PPP2R5B: variants seen among roughly 807,000 people sequenced by gnomAD.
PPP2R5B encodes protein phosphatase 2 regulatory subunit B'beta.
In PPP2R5B, 19 loss-of-function variants were observed where a neutral mutation model predicts 59.9. The observed-to-expected ratio is 0.32, with a 90% confidence interval of 0.22 to 0.47. The LOEUF (loss-of-function observed/expected upper bound fraction) is 0.47, where lower values mean the gene tolerates loss of function less well. Ranked by LOEUF, PPP2R5B falls within the 20% of genes least tolerant of loss-of-function variation. The pLI is 1.00. For synonymous variants in PPP2R5B, 286 were observed against 260.5 expected (o/e 1.10, Z -0.94); for missense variants, 441 against 640.2 (o/e 0.69, Z 3.36).
At chr11:64,928,849 AGT>A (rs1945198794) in intron 6 of PPP2R5B, among the ~76,000 whole-genome samples, 1 of 152,332 alleles carries the variant, frequency 6.6e-6, no homozygotes, top group African/African-American at 2.4e-5. Flanking sequence ...GCGCCACTGC[AGT>A]CCGCAGTCCG....
At chr11:64,920,139 A>C (rs1945096855), upstream of PPP2R5B, among the ~76,000 whole-genome samples, 1 of 152,158 alleles carries the variant, frequency 6.6e-6, no homozygotes. Flanking sequence ...AGAAAAAAGA[A>C]AAAACACCAC....
Position 64,931,048 on chromosome 11 carries a change from A to C in PPP2R5B, c.892-388A>C, listed in dbSNP as rs1945222755. 6.6e-6 allele frequency among the ~76,000 whole-genome samples: 1 copy of C among 152,074 alleles called. No individual in the cohort carries two copies. Among genetic ancestry groups the C allele is most frequent in the Non-Finnish European group, 1.5e-5 (1 of 68,014 alleles). On this transcript the variant is annotated intron_variant, in intron 8 of 13. Transcript: ENST00000164133. The surrounding 1 kb of genome is among the most constrained non-coding windows in gnomAD (Gnocchi z 5.0). The stretch of plus-strand genomic sequence containing the variant: ...GTGCCACATGCCTGGCTAATTAAAA[A>C]AAATTTTTTTTTTGTAGAGACAGTG...
chr11:64,930,414 G>A (rs755434594), intron 7 of PPP2R5B, 33 bp downstream of exon 7: 3 of 1,613,816 alleles, frequency 1.9e-6, no homozygotes, highest in East Asian at 2.2e-5. Flanking sequence ...TGGAGCTCAG[G>A]ATTCTGGAAG....
chr11:64,928,081 T>C lies in PPP2R5B; in HGVS notation c.514T>C (p.Phe172Leu), dbSNP rs1945187847. ...WPHLQLVYEF[F>L]LRFLESPDFQ... ...CCTCCCCCAGCTGGTATATGAGTTT[T>C]TCCTGCGTTTCTTGGAGAGCCCAGA... The change falls in exon 5 of 14, where the codon TTC becomes CTC. Residue 172 changes from phenylalanine (F) to leucine (L), a missense_variant. Physicochemically the swap from Phe to Leu is conservative, Grantham distance 22. Coordinates refer to ENST00000164133, the MANE Select transcript of PPP2R5B (RefSeq NM_006244.4). 6.2e-7 allele frequency: 1 copy of C among 1,614,110 alleles called. No homozygotes were observed. Among genetic ancestry groups the C allele is most frequent in the Non-Finnish European group, 8.5e-7 (1 of 1,180,046 alleles).
Position 64,925,560 on chromosome 11 carries a change from C to T in PPP2R5B, c.-175C>T. On this transcript the variant is annotated 5_prime_UTR_variant, in exon 2 of 14. Coordinates refer to ENST00000164133, the MANE Select transcript of PPP2R5B (RefSeq NM_006244.4). The surrounding 1 kb of genome is among the most constrained non-coding windows in gnomAD (Gnocchi z 4.6). ...TCCTCCTTTCTACCCTGTCTGCCCC[C>T]CAGGACTGGGCAGTTGCAGGAGGCC... is the stretch of plus-strand genomic sequence containing the variant. 1.7e-6 allele frequency: 1 copy of T among 586,138 alleles called. No individual in the cohort carries two copies. 36.3% of individuals were successfully genotyped at this position (586,138 alleles called of 1,614,324 possible).
At chr11:64,928,972 A>AAAAAG (rs1945200592) in intron 6 of PPP2R5B, among the ~76,000 whole-genome samples, 3 of 152,120 alleles carry the variant, frequency 2.0e-5, no homozygotes, top group Admixed American at 2.0e-4. Flanking sequence ...TCTCAAAAAA[A>AAAAAG]AAAAGAAAAG....
rs762962813 is a variant in PPP2R5B at position 64,930,314 on chromosome 11, T to C, written c.723-8T>C. 4 of 1,613,970 alleles carry C rather than the reference T, an allele frequency of 2.5e-6. No homozygotes were observed. The highest frequency in any genetic ancestry group is 4.5e-5 in the East Asian group (2 of 44,882). ...TGCTTTGAGCCCACCTGCGTTCTTC[T>C]CTTGCAGGTTCATCTATGAATTCGA... is the stretch of plus-strand genomic sequence containing the variant. On this transcript the variant is annotated splice_polypyrimidine_tract_variant and splice_region_variant and intron_variant, in intron 6 of 13. Transcript: ENST00000164133.
At chr11:64,926,435 G>T (rs1945164740) in intron 2 of PPP2R5B, among the ~76,000 whole-genome samples, 1 of 152,270 alleles carries the variant, frequency 6.6e-6, no homozygotes. Flanking sequence ...GGCACCTGTG[G>T]AAAGCTGCTG....
intron 6 of PPP2R5B, among the ~76,000 whole-genome samples, chr11:64,929,705 G>A (rs188417327): frequency 5.9e-5 from 9 of 152,282 alleles, no homozygotes; most frequent in East Asian, 1.9e-4. Context: ...CTGCCTGGGC[G>A]ACAGAGCGAG....
chr11:64,928,255 CCCCTGACCCTGA>C lies in PPP2R5B; in HGVS notation c.592-26_592-15del, dbSNP rs768749217. On this transcript the variant is annotated intron_variant, in intron 5 of 13. Transcript: ENST00000164133. ...TGGAAGCAACCTGGGGTGGACCTTTCCCCTGACCCTGACCCTGACCCTGACTCTGGTTCCCAC... is the reference window on the plus strand; with the variant it reads ...TGGAAGCAACCTGGGGTGGACCTTTCCCCTGACCCTGACTCTGGTTCCCAC... The C allele has an allele frequency of 1.9e-5, 31 of 1,611,864 alleles. No individual in the cohort carries two copies. The South Asian group carries it at 2.2e-4, about 11-fold the overall frequency.
At position 64,925,861 on chromosome 11, in the gene PPP2R5B, C is replaced by A. The variant is rs139878967; in HGVS notation, c.127C>A (p.Arg43Ser). ...TTCCCTCCGCAGAGCCCGGCCCCGC[C>A]GCTCCCACAGCTCCTCTCAGTTCCG... ...RRSLRRARPRRSHSSSQFRYQ... is the reference protein window; with the variant it reads ...RRSLRRARPRSSHSSSQFRYQ... Residue 43 changes from arginine to serine, a missense_variant, in exon 2 of 14, where the codon CGC becomes AGC. Arg to Ser is a moderately radical substitution (Grantham distance 110, BLOSUM62 -1). Transcript: ENST00000164133. This position sits in a 1 kb window ranked among gnomAD's most constrained non-coding sequence, Gnocchi z 4.6. 6.2e-7 allele frequency: 1 copy of A among 1,611,824 alleles called. No homozygotes were observed. Among genetic ancestry groups the A allele is most frequent in the Non-Finnish European group, 8.5e-7 (1 of 1,179,842 alleles).
upstream of PPP2R5B, among the ~76,000 whole-genome samples, chr11:64,922,796 AC>A (rs1305677490): frequency 6.7e-6 from 1 of 149,314 alleles, no homozygotes; most frequent in Non-Finnish European, 1.5e-5. Context: ...AATGGTGTGA[AC>A]CCAGGAGGCG....
intron 5 of PPP2R5B, 58 bp downstream of exon 5, chr11:64,928,216 G>T: frequency 6.2e-7 from 1 of 1,613,306 alleles, no homozygotes; most frequent in Non-Finnish European, 8.5e-7. Context: ...CTCTCTGAGG[G>T]GCCAGGGATA....
At chr11:64,927,037 T>C (rs1590677016) in intron 3 of PPP2R5B, 129 bp downstream of exon 3, 5 of 1,069,054 alleles carry the variant, frequency 4.7e-6, no homozygotes, top group Non-Finnish European at 6.7e-6. Context: ...ACGTCTTCCT[T>C]CCCCCCGACC....
chr11:64,920,955 A>ATATATATATATG (rs1945105327), upstream of PPP2R5B, among the ~76,000 whole-genome samples: 2 of 144,948 alleles, frequency 1.4e-5, no homozygotes, highest in South Asian at 4.4e-4. Context: ...ATATATATAT[A>ATATATATATATG]TATATGTAAT....
intron 5 of PPP2R5B, 36 bp from the exon 6 acceptor site, chr11:64,928,247 GGACCTTTCCCCT>G: frequency 6.2e-7 from 1 of 1,612,142 alleles, no homozygotes; most frequent in Non-Finnish European, 8.5e-7. Context: ...AACCTGGGGT[GGACCTTTCCCCT>G]GACCCTGACC....
intron 11 of PPP2R5B, 80 bp from the exon 12 acceptor site, chr11:64,932,685 G>C: frequency 6.5e-7 from 1 of 1,546,934 alleles, no homozygotes. Context: ...CCTGGGCGTT[G>C]AGGTAGTGAT....
At position 64,931,638 on chromosome 11, in the gene PPP2R5B, G is replaced by C; in HGVS notation, c.996+29G>C. The C allele has an allele frequency of 6.2e-7, 1 of 1,613,690 alleles. No homozygotes were observed. The highest frequency in any genetic ancestry group is 8.5e-7 in the Non-Finnish European group (1 of 1,179,936). ...TGAAGAAGGGCTTTGATGCCCGCCA[G>C]AGGGAGGCTGGGAGGGCTCGGCCTC... is the stretch of plus-strand genomic sequence containing the variant. On this transcript the variant is annotated intron_variant, in intron 10 of 13. Coordinates refer to ENST00000164133, the MANE Select transcript of PPP2R5B (RefSeq NM_006244.4). The surrounding 1 kb of genome is among the most constrained non-coding windows in gnomAD (Gnocchi z 5.0).
In PPP2R5B at chr11:64,931,899, A is replaced by C; in HGVS notation, c.1116+31A>C. 6.2e-7 allele frequency: 1 copy of C among 1,607,582 alleles called. No individual in the cohort carries two copies. The stretch of plus-strand genomic sequence containing the variant: ...AGGCAGGACAGGCGGGGATGGGAGC[A>C]GGGCTGGCCTGGAAAGGTTGGGTAG... On this transcript the variant is annotated intron_variant, in intron 11 of 13. Transcript: ENST00000164133. The surrounding 1 kb of genome is among the most constrained non-coding windows in gnomAD (Gnocchi z 5.0).
Sources: gnomAD v4.1 joint callset for allele counts (sites outside exome capture counted in the v4.1 genomes callset) on GRCh38, gnomAD v4.1.1 for gene constraint, Gnocchi (gnomAD v3.1) non-coding constraint, MANE v1.5 for transcripts, NCBI Gene and HGNC (gene_info 2026-07-23, HGNC 2026-07-21) for gene names.